Variants in PRKN observed in about 807,000 individuals in gnomAD.
PRKN encodes the protein E3 ubiquitin-protein ligase parkin.
A neutral mutation model predicts 59.5 loss-of-function variants in PRKN; 56 were observed. The observed-to-expected ratio is 0.94, with a 90% CI of 0.76 to 1.18. PRKN has a LOEUF of 1.18. PRKN is among the 50% of genes most tolerant of loss of function. The pLI is 0.00. For synonymous variants in PRKN, 250 were observed against 222.1 expected (o/e 1.13, Z -1.12); for missense variants, 657 against 596.4 (o/e 1.10, Z -1.06).
At chr6:162,058,135 A>G (rs1777941052) in intron 4 of PRKN, among the ~76,000 whole-genome samples, 1 of 152,162 alleles carries the variant, frequency 6.6e-6, no homozygotes, top group South Asian at 2.1e-4. Flanking sequence ...TTAGAGTCAA[A>G]TTTGTGGACC....
chr6:162,412,996 A>T (rs1327050295), intron 2 of PRKN, among the ~76,000 whole-genome samples: 4 of 152,166 alleles, frequency 2.6e-5, no homozygotes, highest in Admixed American at 2.6e-4. Context: ...ATGTATTGTG[A>T]TATGTTTGTG....
chr6:161,753,152 A>C (rs1032177149), intron 7 of PRKN, among the ~76,000 whole-genome samples: 1 of 152,150 alleles, frequency 6.6e-6, no homozygotes, highest in Non-Finnish European at 1.5e-5. Flanking sequence ...ATAAGACATA[A>C]ATTTAGAAGT....
intron 3 of PRKN, among the ~76,000 whole-genome samples, chr6:162,245,214 G>A (rs949403141): frequency 4.6e-5 from 7 of 152,078 alleles, no homozygotes; most frequent in Non-Finnish European, 8.8e-5. Flanking sequence ...CTCGGTAGGA[G>A]CAGTGGTTCA....
chr6:162,619,300 AC>A (rs1272747002), intron 1 of PRKN, among the ~76,000 whole-genome samples: 2 of 126,918 alleles, frequency 1.6e-5, no homozygotes, highest in East Asian at 4.2e-4. Flanking sequence ...GCACCACCAC[AC>A]CCGGCTAATT....
At chr6:161,865,969 GA>G (rs1472340318) in intron 6 of PRKN, among the ~76,000 whole-genome samples, 2 of 152,136 alleles carry the variant, frequency 1.3e-5, no homozygotes, top group Non-Finnish European at 2.9e-5. Flanking sequence ...TCTAACTTCT[GA>G]TTTGAAGTAA....
chr6:162,014,008 G>A (rs373351339), intron 5 of PRKN, among the ~76,000 whole-genome samples: 1 of 151,930 alleles, frequency 6.6e-6, no homozygotes, highest in South Asian at 2.1e-4. Context: ...GGTTCCAAAG[G>A]TCAAAGCTAT....
chr6:161,972,050 G>C (rs1226744635), intron 6 of PRKN, among the ~76,000 whole-genome samples: 9 of 152,128 alleles, frequency 5.9e-5, no homozygotes, highest in African/African-American at 2.2e-4. Flanking sequence ...AAGGCGGGCG[G>C]ATCACCTGAG....
intron 7 of PRKN, among the ~76,000 whole-genome samples, chr6:161,717,418 C>T (rs543244881): frequency 6.6e-6 from 1 of 152,212 alleles, no homozygotes; most frequent in Admixed American, 6.5e-5. Context: ...ATAATAAGTG[C>T]TGTGAAGACA....
At chr6:162,576,594 T>G (rs975282927) in intron 1 of PRKN, among the ~76,000 whole-genome samples, 1 of 152,060 alleles carries the variant, frequency 6.6e-6, no homozygotes, top group Admixed American at 6.6e-5. Context: ...GGTGGAGTAT[T>G]TGAGGTCAGG....
At chr6:161,714,009 C>T (rs1459935288) in intron 7 of PRKN, among the ~76,000 whole-genome samples, 1 of 152,152 alleles carries the variant, frequency 6.6e-6, no homozygotes, top group African/African-American at 2.4e-5. Flanking sequence ...GCCTCCCCAG[C>T]CATGTGGAAC....
At chr6:162,356,136 A>G (rs1261300839) in intron 2 of PRKN, among the ~76,000 whole-genome samples, 1 of 152,112 alleles carries the variant, frequency 6.6e-6, no homozygotes, top group East Asian at 1.9e-4. Context: ...TATCTCCCTT[A>G]AATGTAGATT....
At chr6:162,384,383 A>G (rs117238735) in intron 2 of PRKN, among the ~76,000 whole-genome samples, 3 of 152,214 alleles carry the variant, frequency 2.0e-5, no homozygotes, top group Non-Finnish European at 4.4e-5. Flanking sequence ...CAAGGAGAGG[A>G]AGAGAGGTGG....
At chr6:162,634,508 T>G (rs1229105520) in intron 1 of PRKN, among the ~76,000 whole-genome samples, 1 of 152,164 alleles carries the variant, frequency 6.6e-6, no homozygotes, top group Non-Finnish European at 1.5e-5. Context: ...CTCTCCTGCC[T>G]CTCTCCTCCA....
intron 3 of PRKN, among the ~76,000 whole-genome samples, chr6:162,261,102 G>A (rs1779869007): frequency 6.6e-6 from 1 of 152,044 alleles, no homozygotes. Flanking sequence ...GAAAGGGAGA[G>A]GAGAAGACAA....
intron 8 of PRKN, among the ~76,000 whole-genome samples, chr6:161,568,722 T>C (rs1270938139): frequency 6.6e-6 from 1 of 152,204 alleles, no homozygotes; most frequent in Non-Finnish European, 1.5e-5. Flanking sequence ...TGTAGTTCCA[T>C]ATAGGGATCA....
chr6:161,642,156 T>G (rs913912970), intron 7 of PRKN, among the ~76,000 whole-genome samples: 4 of 152,222 alleles, frequency 2.6e-5, no homozygotes, highest in African/African-American at 2.4e-5. Flanking sequence ...CCAAGCTGAT[T>G]TGAAAATCTA....
At chr6:162,243,239 T>C (rs1311719307) in intron 3 of PRKN, among the ~76,000 whole-genome samples, 1 of 152,248 alleles carries the variant, frequency 6.6e-6, no homozygotes, top group Admixed American at 6.5e-5. Context: ...CTGCTGTTGC[T>C]GGAAGGTCAT....
chr6:162,121,113 C>G (rs1370593705), intron 4 of PRKN, among the ~76,000 whole-genome samples: 2 of 152,164 alleles, frequency 1.3e-5, no homozygotes, highest in Non-Finnish European at 2.9e-5. Flanking sequence ...CACATAGCAC[C>G]TGCACTTTTC....
intron 4 of PRKN, among the ~76,000 whole-genome samples, chr6:162,154,144 G>A (rs973718621): frequency 6.6e-6 from 1 of 152,060 alleles, no homozygotes; most frequent in African/African-American, 2.4e-5. Context: ...CGAGGAACTA[G>A]CCTCTCTCCC....
Sources: allele counts gnomAD v4.1 joint callset (sites outside exome capture counted in the v4.1 genomes callset), GRCh38; gene constraint gnomAD v4.1.1; transcripts MANE v1.5; gene names NCBI Gene and HGNC (gene_info 2026-07-23, HGNC 2026-07-21).